JAKMIP2: variants seen among roughly 807,000 people sequenced by gnomAD.
JAKMIP2 encodes the protein janus kinase and microtubule interacting protein 2.
JAKMIP2 carries 25 observed loss-of-function variants against 115.0 expected under a neutral mutation model. That is an observed-to-expected ratio of 0.22 (90% CI 0.16 to 0.30). The LOEUF (loss-of-function observed/expected upper bound fraction) is 0.30. JAKMIP2 is among the 10% of genes least tolerant of loss of function. The pLI, the probability that JAKMIP2 is intolerant of heterozygous loss-of-function variation, is 1.00. For synonymous variants in JAKMIP2, 334 were observed against 343.6 expected (o/e 0.97, Z 0.31); for missense variants, 642 against 957.6 (o/e 0.67, Z 4.35).
intron 3 of JAKMIP2, among the ~76,000 whole-genome samples, chr5:147,656,573 A>C (rs1337558656): frequency 6.6e-6 from 1 of 152,032 alleles, no homozygotes; most frequent in African/African-American, 2.4e-5. Flanking sequence ...TTGAGCTTAC[A>C]TGTGTCTTTG....
At chr5:147,661,494 G>A (rs779442287) in intron 2 of JAKMIP2, 49 bp from the exon 3 acceptor site, 63 of 1,555,752 alleles carry the variant, frequency 4.0e-5, no homozygotes, top group Middle Eastern at 1.8e-4. Flanking sequence ...CTCAAAGGAC[G>A]GGTGTGCTCC....
chr5:147,672,849 G>A (rs1759696123), intron 1 of JAKMIP2, among the ~76,000 whole-genome samples: 1 of 152,166 alleles, frequency 6.6e-6, no homozygotes, highest in South Asian at 2.1e-4. Context: ...ACTATTTGTG[G>A]GAAGAAATAG....
At chr5:147,719,983 G>A (rs1753195673) in intron 1 of JAKMIP2, among the ~76,000 whole-genome samples, 1 of 152,006 alleles carries the variant, frequency 6.6e-6, no homozygotes, top group Non-Finnish European at 1.5e-5. Flanking sequence ...GCAGCGGCTG[G>A]TACCGGTTGT....
intron 1 of JAKMIP2, among the ~76,000 whole-genome samples, chr5:147,729,457 A>C (rs1490221916): frequency 6.6e-6 from 1 of 152,138 alleles, no homozygotes; most frequent in Non-Finnish European, 1.5e-5. Context: ...AGGTTAAAGC[A>C]AGGTTAGATG....
At chr5:147,776,470 G>A (rs973036713) in intron 1 of JAKMIP2, among the ~76,000 whole-genome samples, 7 of 152,186 alleles carry the variant, frequency 4.6e-5, no homozygotes, top group Admixed American at 1.3e-4. Flanking sequence ...GGCCTCCCCA[G>A]CCCTGCAGAA....
intron 1 of JAKMIP2, among the ~76,000 whole-genome samples, chr5:147,745,106 T>C (rs919113980): frequency 2.7e-5 from 4 of 150,382 alleles, no homozygotes; most frequent in African/African-American, 4.9e-5. Flanking sequence ...GCACCTATTG[T>C]AGATTCTGTA....
At chr5:147,611,610 G>A (rs143693125) in intron 20 of JAKMIP2, among the ~76,000 whole-genome samples, 3,108 of 152,274 alleles carry the variant, frequency 0.02, 47 homozygotes, top group Middle Eastern at 0.041. Flanking sequence ...GGGAGCTGCA[G>A]ATGGGAGCTG....
chr5:147,662,161 T>TACACAC (rs61492351), intron 2 of JAKMIP2, among the ~76,000 whole-genome samples: 17,729 of 146,982 alleles, frequency 0.12, 1,369 homozygotes, highest in East Asian at 0.32. Context: ...CCCCAAGTTT[T>TACACAC]ACACACACAC....
At chr5:147,715,798 T>C (rs1052071749) in intron 1 of JAKMIP2, among the ~76,000 whole-genome samples, 7 of 151,808 alleles carry the variant, frequency 4.6e-5, no homozygotes, top group African/African-American at 1.4e-4. Context: ...TCCAATGATA[T>C]TGTTTTAAAA....
intron 1 of JAKMIP2, among the ~76,000 whole-genome samples, chr5:147,673,690 C>CT (rs932640286): frequency 1.3e-5 from 2 of 152,098 alleles, no homozygotes; most frequent in East Asian, 1.9e-4. Flanking sequence ...GAGAGGCCAT[C>CT]TTTTTTTGCT....
chr5:147,668,606 G>A (rs1200338162), intron 2 of JAKMIP2, among the ~76,000 whole-genome samples: 1 of 152,206 alleles, frequency 6.6e-6, no homozygotes, highest in Non-Finnish European at 1.5e-5. Context: ...TTCCTCATCT[G>A]TAAAGTAGGG....
intron 1 of JAKMIP2, among the ~76,000 whole-genome samples, chr5:147,774,417 A>AT (rs985166815): frequency 3.3e-5 from 5 of 152,132 alleles, no homozygotes; most frequent in Non-Finnish European, 5.9e-5. Flanking sequence ...CTCAGCATGG[A>AT]TTTTTTAATA....
chr5:147,735,246 A>C (rs945535745), intron 1 of JAKMIP2, among the ~76,000 whole-genome samples: 4 of 152,330 alleles, frequency 2.6e-5, no homozygotes, highest in South Asian at 4.1e-4. Flanking sequence ...AAGTGAGACA[A>C]CTTACAGAAT....
At chr5:147,658,055 G>A (rs888491597) in intron 3 of JAKMIP2, among the ~76,000 whole-genome samples, 5 of 152,068 alleles carry the variant, frequency 3.3e-5, no homozygotes, top group Non-Finnish European at 7.3e-5. Context: ...TTGCTGGACA[G>A]TTGTTGTGAA....
chr5:147,692,117 G>T (rs1751887471), intron 1 of JAKMIP2, among the ~76,000 whole-genome samples: 1 of 152,064 alleles, frequency 6.6e-6, no homozygotes, highest in Non-Finnish European at 1.5e-5. Context: ...TAGAGTCTCT[G>T]CAAATGTAAT....
At chr5:147,750,161 A>G (rs148538378) in intron 1 of JAKMIP2, among the ~76,000 whole-genome samples, 298 of 152,302 alleles carry the variant, frequency 2.0e-3, no homozygotes, top group Non-Finnish European at 3.3e-3. Flanking sequence ...TTCCTCAGGA[A>G]AGATCACAAC....
chr5:147,632,727 C>A lies in JAKMIP2; in HGVS notation c.1729G>T (p.Ala577Ser), dbSNP rs781046321. 2 of 1,613,300 alleles carry A rather than the reference C, an allele frequency of 1.2e-6. No individual in the cohort carries two copies. Among genetic ancestry groups the A allele is most frequent in the South Asian group, 1.1e-5 (1 of 90,972 alleles). ...NHRLQQELQDARDQNELLEFR... is the reference protein window; with the variant it reads ...NHRLQQELQDSRDQNELLEFR... Reference sequence around the variant, plus strand: ...TCCAGCAGCTCATTCTGGTCTCTGGCGTCCTGTAGTTCTTGTTGTAACCGG... The same window carrying A: ...TCCAGCAGCTCATTCTGGTCTCTGGAGTCCTGTAGTTCTTGTTGTAACCGG... Residue 577 changes from alanine to serine, a missense_variant, in exon 13 of 22, where the codon GCC becomes TCC. Coordinates refer to ENST00000616793, the MANE Select transcript of JAKMIP2 (RefSeq NM_001270941.2).
At chr5:147,754,670 C>T (rs1431670768) in intron 1 of JAKMIP2, among the ~76,000 whole-genome samples, 1 of 152,140 alleles carries the variant, frequency 6.6e-6, no homozygotes, top group African/African-American at 2.4e-5. Flanking sequence ...GCACTCATAA[C>T]TCATTCCTCA....
chr5:147,782,367 T>C (rs1755793179), intron 1 of JAKMIP2, 89 bp downstream of exon 1: 29 of 1,298,234 alleles, frequency 2.2e-5, no homozygotes, highest in Non-Finnish European at 3.1e-5. Flanking sequence ...GGCACGGGAG[T>C]CATTGTTCAA....
Sources: allele counts gnomAD v4.1 joint callset (sites outside exome capture counted in the v4.1 genomes callset), GRCh38; gene constraint gnomAD v4.1.1; transcripts MANE v1.5; gene names NCBI Gene and HGNC (gene_info 2026-07-23, HGNC 2026-07-21).